Variants in FBXL7 observed in about 807,000 individuals in gnomAD.
The protein encoded by FBXL7 is F-box/LRR-repeat protein 7.
In FBXL7, 12 loss-of-function variants were observed where a neutral mutation model predicts 38.3. That is an observed-to-expected ratio of 0.31 (90% CI 0.20 to 0.51). The LOEUF (loss-of-function observed/expected upper bound fraction) is 0.51. Ranked by LOEUF, FBXL7 falls within the 20% of genes least tolerant of loss-of-function variation. The pLI is 0.98. For synonymous variants in FBXL7, 297 were observed against 300.9 expected (o/e 0.99, Z 0.13); for missense variants, 567 against 676.4 (o/e 0.84, Z 1.79).
At chr5:15,592,524 T>G (rs1739512015) in intron 1 of FBXL7, among the ~76,000 whole-genome samples, 1 of 152,150 alleles carries the variant, frequency 6.6e-6, no homozygotes, top group African/African-American at 2.4e-5. Flanking sequence ...TTCTATAGAG[T>G]GCCTGACACC....
intron 1 of FBXL7, among the ~76,000 whole-genome samples, chr5:15,572,430 C>T (rs1205307533): frequency 6.7e-6 from 1 of 150,240 alleles, no homozygotes; most frequent in African/African-American, 2.5e-5. Flanking sequence ...GGGTTCTTGT[C>T]ACATACTTTA....
At chr5:15,524,533 A>G (rs1737197142) in intron 1 of FBXL7, among the ~76,000 whole-genome samples, 1 of 152,144 alleles carries the variant, frequency 6.6e-6, no homozygotes, top group Non-Finnish European at 1.5e-5. Flanking sequence ...CTTGCTGCTG[A>G]CCCTGACCTC....
At chr5:15,703,103 G>A (rs1351781564) in intron 2 of FBXL7, among the ~76,000 whole-genome samples, 1 of 152,202 alleles carries the variant, frequency 6.6e-6, no homozygotes, top group Non-Finnish European at 1.5e-5. Flanking sequence ...ATGTGTATGT[G>A]CAGGTCACAG....
intron 2 of FBXL7, among the ~76,000 whole-genome samples, chr5:15,887,878 A>C (rs569746578): frequency 6.6e-6 from 1 of 152,216 alleles, no homozygotes; most frequent in African/African-American, 2.4e-5. Flanking sequence ...AAAACAATAA[A>C]TTTCTTGGAT....
intron 1 of FBXL7, among the ~76,000 whole-genome samples, chr5:15,534,084 TAGACCCCATAC>T (rs2126396505): frequency 6.6e-6 from 1 of 152,320 alleles, no homozygotes; most frequent in East Asian, 1.9e-4. Flanking sequence ...CTGTAGATTC[TAGACCCCATAC>T]AGGCACAGCG....
chr5:15,534,099 C>T (rs1231413104), intron 1 of FBXL7, among the ~76,000 whole-genome samples: 1 of 152,144 alleles, frequency 6.6e-6, no homozygotes, highest in Non-Finnish European at 1.5e-5. Context: ...CCCATACAGG[C>T]ACAGCGTCCT....
chr5:15,601,550 C>T (rs577325434), intron 1 of FBXL7, among the ~76,000 whole-genome samples: 4 of 152,244 alleles, frequency 2.6e-5, no homozygotes, highest in Admixed American at 6.5e-5. Flanking sequence ...GGAAGCTCTG[C>T]CCTGGTACCT....
At chr5:15,661,476 A>G (rs913669876) in intron 2 of FBXL7, among the ~76,000 whole-genome samples, 10 of 152,118 alleles carry the variant, frequency 6.6e-5, no homozygotes, top group African/African-American at 1.9e-4. Context: ...CTTGTTCCCA[A>G]TTTCAGGAAG....
intron 1 of FBXL7, among the ~76,000 whole-genome samples, chr5:15,582,972 A>G (rs1405419010): frequency 7.2e-6 from 1 of 139,292 alleles, no homozygotes; most frequent in African/African-American, 2.7e-5. Flanking sequence ...GTATTAGTCT[A>G]TTTTCATACT....
chr5:15,879,740 T>C (rs944322353), intron 2 of FBXL7, among the ~76,000 whole-genome samples: 2 of 152,166 alleles, frequency 1.3e-5, no homozygotes, highest in African/African-American at 2.4e-5. Flanking sequence ...ATTGTTAGCA[T>C]GTACTGTGAA....
At chr5:15,920,679 C>A (rs1246222398) in intron 2 of FBXL7, among the ~76,000 whole-genome samples, 4 of 152,064 alleles carry the variant, frequency 2.6e-5, no homozygotes, top group African/African-American at 9.7e-5. Context: ...TGCCACCATG[C>A]CCAGCTAATT....
chr5:15,714,941 A>G (rs1455391912), intron 2 of FBXL7, among the ~76,000 whole-genome samples: 1 of 151,784 alleles, frequency 6.6e-6, no homozygotes, highest in African/African-American at 2.4e-5. Flanking sequence ...GCTGGCTTTG[A>G]AGATGGAACA....
chr5:15,500,724 C>A lies in FBXL7; in HGVS notation c.37+11C>A, dbSNP rs1736465676. 1.2e-6 allele frequency: 2 copies of A among 1,604,066 alleles called. No individual in the cohort carries two copies. Among genetic ancestry groups the A allele is most frequent in the African/African-American group, 1.4e-5 (1 of 73,972 alleles). ...AGTACGGCAGTGAGGGTGAGTGGGC[C>A]GCCCGTCCTCAGACTCCCGGATCGC... On this transcript the variant is annotated intron_variant, in intron 1 of 3. Coordinates refer to ENST00000504595, the MANE Select transcript of FBXL7 (RefSeq NM_012304.5).
intron 2 of FBXL7, among the ~76,000 whole-genome samples, chr5:15,926,227 C>T: frequency 6.6e-6 from 1 of 151,326 alleles, no homozygotes; most frequent in Middle Eastern, 3.5e-3. Context: ...AGAGAAAATA[C>T]ATTTCTTCCT....
At chr5:15,803,547 A>C in intron 2 of FBXL7, among the ~76,000 whole-genome samples, 4 of 130,156 alleles carry the variant, frequency 3.1e-5, no homozygotes, top group East Asian at 2.4e-4. Context: ...CCTTCCTCTC[A>C]TCTCCCTCTT....
At position 15,818,336 on chromosome 5, in the gene FBXL7, A is replaced by G. The variant is rs185458732; in HGVS notation, c.128-109554A>G. ...ACTATGAGACATTAAAACAGAAGAG[A>G]AAACATTGTACCATCCCTTCTTATC... is the stretch of plus-strand genomic sequence containing the variant. On this transcript the variant is annotated intron_variant, in intron 2 of 3. Transcript: ENST00000504595. 1.4e-4 allele frequency among the ~76,000 whole-genome samples: 22 copies of G among 152,330 alleles called. No individual in the cohort carries two copies. In the East Asian group the frequency reaches 4.3e-3, roughly 29 times the overall value.
chr5:15,614,269 C>CTTTTCTTTTT (rs1220267432), intron 1 of FBXL7, among the ~76,000 whole-genome samples: 1 of 147,416 alleles, frequency 6.8e-6, no homozygotes, highest in Non-Finnish European at 1.5e-5. Context: ...CTTTTCTTTT[C>CTTTTCTTTTT]TTTTCTTTTT....
At chr5:15,740,571 C>T (rs564612366) in intron 2 of FBXL7, among the ~76,000 whole-genome samples, 2 of 152,134 alleles carry the variant, frequency 1.3e-5, no homozygotes, top group Non-Finnish European at 2.9e-5. Flanking sequence ...GGAAAAAAAA[C>T]ACAGACTGTT....
Position 15,788,188 on chromosome 5 carries a change from C to T in FBXL7, c.128-139702C>T, listed in dbSNP as rs1737180990. Among the ~76,000 whole-genome samples, 7 of 152,152 alleles carry T rather than the reference C, an allele frequency of 4.6e-5. 1 individual carries two copies. The highest frequency in any genetic ancestry group is 4.6e-4 in the Admixed American group (7 of 15,274). ...GGCCCAACGCAATGGAGTATGTCCTCATCTCAAGCTAACTAATTATATCTG... is the reference window on the plus strand; with the variant it reads ...GGCCCAACGCAATGGAGTATGTCCTTATCTCAAGCTAACTAATTATATCTG... On this transcript the variant is annotated intron_variant, in intron 2 of 3. Coordinates refer to ENST00000504595, the MANE Select transcript of FBXL7 (RefSeq NM_012304.5).
Sources: allele counts gnomAD v4.1 joint callset (sites outside exome capture counted in the v4.1 genomes callset), GRCh38; gene constraint gnomAD v4.1.1; transcripts MANE v1.5; gene names NCBI Gene and HGNC (gene_info 2026-07-23, HGNC 2026-07-21).